SEC14L5: variants seen among roughly 807,000 people sequenced by gnomAD.
SEC14L5 encodes the protein SEC14 like lipid binding 5.
A neutral mutation model predicts 84.6 loss-of-function variants in SEC14L5; 96 were observed. The observed-to-expected ratio is 1.13, with a 90% confidence interval of 0.96 to 1.34. The LOEUF (loss-of-function observed/expected upper bound fraction) is 1.34. Ranked by LOEUF, SEC14L5 falls within the 40% of genes most tolerant of loss-of-function variation. The pLI, the probability that SEC14L5 is intolerant of heterozygous loss-of-function variation, is 0.00. For synonymous variants in SEC14L5, 546 were observed against 383.4 expected (o/e 1.42, Z -4.95); for missense variants, 1,224 against 942.5 (o/e 1.30, Z -3.91).
chr16:5,001,035 C>T (rs985397018), intron 10 of SEC14L5, 110 bp downstream of exon 10: 4 of 844,980 alleles, frequency 4.7e-6, no homozygotes, highest in Middle Eastern at 3.3e-4. Context: ...GGGCTTCATT[C>T]TCCCCCAGTT....
intron 12 of SEC14L5, 95 bp downstream of exon 12, chr16:5,006,143 G>C (rs1955730078): frequency 3.0e-6 from 4 of 1,342,218 alleles, no homozygotes; most frequent in Non-Finnish European, 3.1e-6. Context: ...GGGAGGTGGA[G>C]GGGGGCTGGG....
At position 5,011,254 on chromosome 16, in the gene SEC14L5, C is replaced by T; in HGVS notation, c.1960C>T (p.Leu654Phe). Residue 654 changes from leucine to phenylalanine, a missense_variant, in exon 15 of 16, where the codon CTC becomes TTC. Leu to Phe is a conservative substitution (Grantham distance 22). Coordinates refer to ENST00000251170, the MANE Select transcript of SEC14L5 (RefSeq NM_014692.2). ...CAAACTTCTCTACTACTGTGAGGTG[C>T]TCGCCTCTGAGGACTTCAGGTAGGA... ...KCKLLYYCEV[L>F]ASEDFRGSMS... is the part of the protein sequence containing the mutation. 6.2e-7 allele frequency: 1 copy of T among 1,613,754 alleles called. No homozygotes were observed. The highest frequency in any genetic ancestry group is 8.5e-7 in the Non-Finnish European group (1 of 1,179,806).
intron 2 of SEC14L5, among the ~76,000 whole-genome samples, chr16:4,978,728 G>A (rs565081411): frequency 2.6e-5 from 4 of 152,028 alleles, no homozygotes; most frequent in Admixed American, 6.5e-5. Context: ...TCAGCCTCCC[G>A]AGTAGCTGGA....
At chr16:4,978,146 G>T (rs1391972160) in intron 2 of SEC14L5, among the ~76,000 whole-genome samples, 1 of 108,832 alleles carries the variant, frequency 9.2e-6, no homozygotes, top group African/African-American at 3.5e-5. Context: ...CGGGCGCGGT[G>T]GCTCACGCCT....
In SEC14L5 at chr16:5,015,424, A is replaced by G. The variant is rs1955864688; in HGVS notation, c.*454A>G. The G allele has an allele frequency of 6.2e-6, 1 of 162,456 alleles. No individual in the cohort carries two copies. Among genetic ancestry groups the G allele is most frequent in the African/African-American group, 2.4e-5 (1 of 41,792 alleles). 10.1% of individuals were successfully genotyped at this position (162,456 alleles called of 1,614,324 possible). On this transcript the variant is annotated 3_prime_UTR_variant, in exon 16 of 16. Transcript: ENST00000251170. ...AGCCCACTTCCCAGAGCTGAGTCTT[A>G]GCCTGGAAGGGGGAGCGATTGCCAG...
At chr16:5,012,409 A>G (rs1443670322) in intron 15 of SEC14L5, among the ~76,000 whole-genome samples, 1 of 152,126 alleles carries the variant, frequency 6.6e-6, no homozygotes, top group African/African-American at 2.4e-5. Context: ...GTCCTCTTGT[A>G]GCCTCATGAG....
At chr16:4,981,847 C>T (rs1209381075) in intron 2 of SEC14L5, among the ~76,000 whole-genome samples, 2 of 152,176 alleles carry the variant, frequency 1.3e-5, no homozygotes, top group Admixed American at 6.5e-5. Context: ...AGCTGGACTT[C>T]TAACCAGGCA....
chr16:4,987,113 A>G (rs903916519), intron 2 of SEC14L5, among the ~76,000 whole-genome samples: 35 of 151,844 alleles, frequency 2.3e-4, no homozygotes, highest in African/African-American at 8.5e-4. Context: ...AGGGGAAAGC[A>G]CTCATTCACC....
intron 2 of SEC14L5, among the ~76,000 whole-genome samples, chr16:4,960,242 G>A (rs906501123): frequency 6.6e-6 from 1 of 152,240 alleles, no homozygotes; most frequent in Admixed American, 6.5e-5. Context: ...AGGTTGCGGG[G>A]AGGAGTAAAT....
intron 2 of SEC14L5, among the ~76,000 whole-genome samples, chr16:4,974,328 A>C (rs1014112845): frequency 6.6e-6 from 1 of 151,804 alleles, no homozygotes; most frequent in African/African-American, 2.4e-5. Flanking sequence ...CAGCCTCCCG[A>C]GTAGCTGGGA....
rs775745715 is a variant in SEC14L5, at chr16:4,988,286, C to G, written c.345+6C>G. ...ACGAGCACTGCAGCTACACGGTGAG[C>G]CCAGGCCACCCTCAGCGCCCACGCC... On this transcript the variant is annotated splice_donor_region_variant and intron_variant, in intron 4 of 15. Transcript: ENST00000251170. The G allele has an allele frequency of 1.1e-5, 17 of 1,613,160 alleles. No homozygotes were observed. Among genetic ancestry groups the G allele is most frequent in the Non-Finnish European group, 1.4e-5 (16 of 1,179,622 alleles).
rs577408054 is a variant in SEC14L5, at chr16:5,007,742, A to G, written c.1572+256A>G. Among the ~76,000 whole-genome samples, 7 of 149,766 alleles carry G rather than the reference A, an allele frequency of 4.7e-5. No individual in the cohort carries two copies. In the East Asian group the frequency reaches 1.4e-3, roughly 30 times the overall value. ...TGCCTCAGCCTCCCGAGTAGCTGGG[A>G]TTATAGACATATGCCACTGCGTCCA... On this transcript the variant is annotated intron_variant, in intron 13 of 15. Transcript: ENST00000251170.
At chr16:5,011,319 G>A in intron 15 of SEC14L5, 46 bp downstream of exon 15, 2 of 1,576,374 alleles carry the variant, frequency 1.3e-6, no homozygotes, top group East Asian at 2.3e-5. Context: ...GGACCCTGGG[G>A]CTGATTGACA....
chr16:4,997,675 C>G (rs1216808555), intron 8 of SEC14L5, among the ~76,000 whole-genome samples: 1 of 152,290 alleles, frequency 6.6e-6, no homozygotes, highest in East Asian at 1.9e-4. Context: ...TGGCTTAAAA[C>G]AGTAGAAATG....
chr16:4,983,536 A>G (rs1001147250), intron 2 of SEC14L5, among the ~76,000 whole-genome samples: 2 of 150,026 alleles, frequency 1.3e-5, no homozygotes, highest in African/African-American at 4.9e-5. Context: ...GTGTATATTT[A>G]TATTAACATA....
At chr16:4,989,337 T>A (rs1955528319) in intron 4 of SEC14L5, among the ~76,000 whole-genome samples, 1 of 143,088 alleles carries the variant, frequency 7.0e-6, no homozygotes, top group Non-Finnish European at 1.5e-5. Context: ...GTTTTTTTTT[T>A]TGTTTGTTTT....
At chr16:5,005,832 C>G (rs1365751620) in intron 11 of SEC14L5, 82 bp from the exon 12 acceptor site, 15 of 1,414,942 alleles carry the variant, frequency 1.1e-5, no homozygotes, top group African/African-American at 1.5e-5. Context: ...CCACTGCACT[C>G]CAGCCTGGGC....
chr16:4,963,514 T>C (rs1955155211), intron 2 of SEC14L5, among the ~76,000 whole-genome samples: 1 of 152,176 alleles, frequency 6.6e-6, no homozygotes, highest in African/African-American at 2.4e-5. Context: ...CTTGACTAAT[T>C]TTTGTATTTT....
intron 2 of SEC14L5, among the ~76,000 whole-genome samples, chr16:4,982,564 C>A (rs1955437744): frequency 6.6e-6 from 1 of 152,166 alleles, no homozygotes; most frequent in Non-Finnish European, 1.5e-5. Context: ...CAGCACAGAG[C>A]CTGGGGCTGA....
Sources: allele counts gnomAD v4.1 joint callset (sites outside exome capture counted in the v4.1 genomes callset), GRCh38; gene constraint gnomAD v4.1.1; transcripts MANE v1.5; gene names NCBI Gene and HGNC (gene_info 2026-07-23, HGNC 2026-07-21).